Variants in SNTG1 observed in about 807,000 individuals in gnomAD.
The protein encoded by SNTG1 is gamma-1-syntrophin.
SNTG1 carries 39 observed loss-of-function variants against 74.7 expected under a neutral mutation model. The ratio of observed to expected loss-of-function variants is 0.52; its 90% CI spans 0.40 to 0.68. The LOEUF is 0.68. SNTG1 is among the 30% of genes least tolerant of loss of function. The pLI is 0.00. For synonymous variants in SNTG1, 254 were observed against 217.1 expected, an observed-to-expected ratio of 1.17 and a Z score of -1.49; for missense variants, 685 against 609.5, an observed-to-expected ratio of 1.12 and a Z score of -1.30.
rs141828163 is a variant in SNTG1, at chr8:50,424,125, C to T, written c.163-14418C>T. ...TTTGGAATGGGTGAATCAAAGGTTCCGGGAATGTGCTCCAGGTGAAACTGT... is the reference window on the plus strand; with the variant it reads ...TTTGGAATGGGTGAATCAAAGGTTCTGGGAATGTGCTCCAGGTGAAACTGT... On this transcript the variant is annotated intron_variant, in intron 4 of 18. Transcript: ENST00000642720. 3.5e-3 allele frequency among the ~76,000 whole-genome samples: 535 copies of T among 152,056 alleles called. 3 individuals are homozygous for T. Among genetic ancestry groups the T allele is most frequent in the African/African-American group, 0.012 (506 of 41,468 alleles).
At chr8:50,008,858 C>G (rs995899162) in intron 1 of SNTG1, among the ~76,000 whole-genome samples, 1 of 152,092 alleles carries the variant, frequency 6.6e-6, no homozygotes, top group Non-Finnish European at 1.5e-5. Context: ...CATGCTATAT[C>G]TAGCTTGTTC....
chr8:50,334,842 C>A (rs2091088868), intron 2 of SNTG1, among the ~76,000 whole-genome samples: 1 of 152,138 alleles, frequency 6.6e-6, no homozygotes, highest in Non-Finnish European at 1.5e-5. Context: ...TTTTTCTAAC[C>A]TCTAAATCTT....
intron 1 of SNTG1, among the ~76,000 whole-genome samples, chr8:49,980,311 C>G (rs1812555946): frequency 6.6e-6 from 1 of 152,030 alleles, no homozygotes; most frequent in African/African-American, 2.4e-5. Context: ...AGTAGCCATT[C>G]TCCTCTCTGC....
chr8:50,533,338 A>G (rs1027221877), intron 10 of SNTG1, among the ~76,000 whole-genome samples: 3 of 152,218 alleles, frequency 2.0e-5, no homozygotes, highest in African/African-American at 7.2e-5. Context: ...CCCTTTGTGC[A>G]GTTCTGTTCT....
chr8:50,483,125 C>G (rs969607346), intron 8 of SNTG1, among the ~76,000 whole-genome samples: 2 of 152,132 alleles, frequency 1.3e-5, no homozygotes, highest in African/African-American at 4.8e-5. Context: ...AAAATGGGGG[C>G]ATAAATTACT....
rs1049174190 is a variant in SNTG1, at chr8:50,212,497, G to GTGA, written c.-28+39865_-28+39867dup. ...CATTCTCTGAGCACATAAGTAATGT[G>GTGA]TGATGTATACAGAAAGATACAGATC... On this transcript the variant is annotated intron_variant, in intron 2 of 18. Coordinates refer to ENST00000642720, the MANE Select transcript of SNTG1 (RefSeq NM_018967.5). Among the ~76,000 whole-genome samples the GTGA allele has an allele frequency of 4.6e-5, 7 of 152,266 alleles. 1 individual carries two copies. Among genetic ancestry groups the GTGA allele is most frequent in the African/African-American group, 1.7e-4 (7 of 41,568 alleles).
At chr8:50,426,688 G>A (rs1344734447) in intron 4 of SNTG1, among the ~76,000 whole-genome samples, 2 of 151,742 alleles carry the variant, frequency 1.3e-5, no homozygotes, top group African/African-American at 4.8e-5. Context: ...CCTAAGCATC[G>A]AGTGTTTACA....
At chr8:49,930,269 A>AC (rs1807445378) in intron 1 of SNTG1, among the ~76,000 whole-genome samples, 4 of 151,646 alleles carry the variant, frequency 2.6e-5, no homozygotes, top group Admixed American at 2.6e-4. Context: ...ATAGTAAAAA[A>AC]AATCATTCTT....
intron 1 of SNTG1, among the ~76,000 whole-genome samples, chr8:50,153,846 G>T (rs960340250): frequency 1.3e-5 from 2 of 152,170 alleles, no homozygotes; most frequent in Non-Finnish European, 2.9e-5. Context: ...GGCTACTCGG[G>T]AGTCAGGGAC....
At position 49,980,521 on chromosome 8, in the gene SNTG1, C is replaced by CAAAAAAAAA. The variant is rs565561398; in HGVS notation, c.-103+68312_-103+68320dup. On this transcript the variant is annotated intron_variant, in intron 1 of 18. Coordinates refer to ENST00000642720, the MANE Select transcript of SNTG1 (RefSeq NM_018967.5). ...ACATCCCTTCCTGTAGACTCCTTCG[C>CAAAAAAAAA]AAAAAAAAAAAAAAAAAAAAAAAAA... Among the ~76,000 whole-genome samples, 45 of 53,828 alleles carry CAAAAAAAAA rather than the reference C, an allele frequency of 8.4e-4. 4 individuals carry two copies. Among genetic ancestry groups the CAAAAAAAAA allele is most frequent in the African/African-American group, 2.9e-3 (40 of 13,596 alleles). The allele number at this position is 53,828 out of a possible 152,430, so 35.3% of individuals were successfully genotyped here.
intron 2 of SNTG1, among the ~76,000 whole-genome samples, chr8:50,264,678 GA>G (rs1380946573): frequency 1.3e-5 from 2 of 150,906 alleles, no homozygotes; most frequent in Non-Finnish European, 3.0e-5. Flanking sequence ...ATATAGAAGA[GA>G]AAAATAATTA....
chr8:50,589,258 G>T (rs965305702), intron 12 of SNTG1, among the ~76,000 whole-genome samples: 1 of 152,004 alleles, frequency 6.6e-6, no homozygotes, highest in African/African-American at 2.4e-5. Context: ...TGTACTAAGG[G>T]AAACTAACAA....
At chr8:50,151,118 C>T (rs993045574) in intron 1 of SNTG1, among the ~76,000 whole-genome samples, 1 of 152,146 alleles carries the variant, frequency 6.6e-6, no homozygotes, top group Non-Finnish European at 1.5e-5. Flanking sequence ...AGGGATTCAA[C>T]TTCTTCCTGG....
At chr8:50,706,323 A>G (rs2095443280) in intron 16 of SNTG1, among the ~76,000 whole-genome samples, 1 of 152,170 alleles carries the variant, frequency 6.6e-6, no homozygotes, top group Non-Finnish European at 1.5e-5. Flanking sequence ...ATTCTGAGTC[A>G]AGATCCAAGA....
intron 1 of SNTG1, among the ~76,000 whole-genome samples, chr8:49,960,325 G>A (rs1483044325): frequency 5.3e-5 from 8 of 152,118 alleles, no homozygotes; most frequent in African/African-American, 1.9e-4. Flanking sequence ...GGAATGCAAA[G>A]GCAATTACAA....
At chr8:50,054,434 T>C (rs1386203671) in intron 1 of SNTG1, among the ~76,000 whole-genome samples, 6 of 152,120 alleles carry the variant, frequency 3.9e-5, no homozygotes, top group African/African-American at 1.4e-4. Context: ...AACCATTACT[T>C]ATCTCCTTAT....
intron 9 of SNTG1, among the ~76,000 whole-genome samples, chr8:50,519,626 G>A (rs2094162774): frequency 6.6e-6 from 1 of 152,070 alleles, no homozygotes; most frequent in Non-Finnish European, 1.5e-5. Context: ...CAAAATCAAT[G>A]GGCAAAAATC....
chr8:50,087,879 C>A (rs1169988392), intron 1 of SNTG1, among the ~76,000 whole-genome samples: 1 of 150,032 alleles, frequency 6.7e-6, no homozygotes, highest in African/African-American at 2.4e-5. Flanking sequence ...GCGCTGCACC[C>A]ACTAACTCGT....
intron 1 of SNTG1, among the ~76,000 whole-genome samples, chr8:49,944,024 T>C (rs1413181908): frequency 1.3e-5 from 2 of 152,232 alleles, no homozygotes; most frequent in Non-Finnish European, 2.9e-5. Context: ...TATCTCACTA[T>C]ATTATCACTG....
Sources: gnomAD v4.1 joint callset for allele counts (sites outside exome capture counted in the v4.1 genomes callset) on GRCh38, gnomAD v4.1.1 for gene constraint, MANE v1.5 for transcripts, NCBI Gene and HGNC (gene_info 2026-07-23, HGNC 2026-07-21) for gene names.